The following ZNF211 variants were observed in gnomAD, a reference collection of about 807,000 sequenced individuals.
The protein encoded by ZNF211 is zinc finger protein C2H2-25.
ZNF211 carries 18 observed loss-of-function variants against 12.1 expected under a neutral mutation model. The ratio of observed to expected loss-of-function variants is 1.48; its 90% CI spans 1.03 to 2.20. The LOEUF is 2.20. Among genes scored for constraint, ZNF211 ranks in the 30% most tolerant of loss-of-function variants. The probability of loss-of-function intolerance (pLI) is 0.00; values close to 1 mark genes in which losing one functional copy is unlikely to be tolerated. For synonymous variants in ZNF211, 249 were observed against 246.0 expected (o/e 1.01, Z -0.11); for missense variants, 677 against 703.1 (o/e 0.96, Z 0.42).
intron 3 of ZNF211, among the ~76,000 whole-genome samples, chr19:57,638,333 G>T (rs1227336883): frequency 6.6e-6 from 1 of 151,552 alleles, no homozygotes; most frequent in Non-Finnish European, 1.5e-5. Flanking sequence ...GCCAGCTTTG[G>T]TTTTAGTTTG....
Position 57,641,939 on chromosome 19 carries a change from G to A in ZNF211, c.1492G>A (p.Glu498Lys). 3 of 1,614,116 alleles carry A rather than the reference G, an allele frequency of 1.9e-6. No individual in the cohort carries two copies. The highest frequency in any genetic ancestry group is 2.5e-6 in the Non-Finnish European group (3 of 1,180,038). ...HTGERPVECS[E>K]CSKSFSCKSN... ...TGGAGAAAGACCTGTTGAGTGCAGT[G>A]AATGTAGCAAATCCTTTAGCTGTAA... Residue 498 changes from glutamate to lysine, a missense_variant, in exon 4 of 4, where the codon GAA becomes AAA. Transcript: ENST00000240731.
rs540892313 is a variant in ZNF211, at chr19:57,641,138, T to G, written c.691T>G (p.Cys231Gly). ...TGEKPNNSNK[C>G]AVAFYSGKSH... The stretch of plus-strand genomic sequence containing the variant: ...GGAGAAGCCAAATAACAGTAACAAG[T>G]GTGCGGTGGCCTTTTACAGTGGAAA... The change falls in exon 4 of 4, where the codon TGT becomes GGT. Residue 231 changes from cysteine to glycine, a missense_variant. Physicochemically the swap from Cys to Gly is radical, Grantham distance 159. Transcript: ENST00000240731. 14 of 1,614,172 alleles carry G rather than the reference T, an allele frequency of 8.7e-6. No individual in the cohort carries two copies. In the East Asian group the frequency reaches 3.1e-4, roughly 36 times the overall value.
rs143187549 is a variant in ZNF211 at position 57,633,521 on chromosome 19, G to A, written c.90+85G>A. 2,401 of 1,504,764 alleles carry A rather than the reference G, an allele frequency of 1.6e-3. No individual in the cohort carries two copies. The highest frequency in any genetic ancestry group is 2.0e-3 in the Non-Finnish European group (2,255 of 1,131,062). 93.2% of individuals were successfully genotyped at this position (1,504,764 alleles called of 1,614,324 possible). A position where few individuals can be genotyped will look rare whatever the true frequency, so the allele number is the denominator to read the frequency against. ...CACCAGCTCACGTCTCTGTAGCACA[G>A]GGTCGGGGACACTGAGGCTCGTGGG... On this transcript the variant is annotated intron_variant, in intron 1 of 3. Coordinates refer to ENST00000240731, the MANE Select transcript of ZNF211 (RefSeq NM_006385.5).
chr19:57,641,160 GAA>G lies in ZNF211; in HGVS notation c.717_718del (p.His241SerfsTer8), dbSNP rs771160877. 7 of 1,614,148 alleles carry G rather than the reference GAA, an allele frequency of 4.3e-6. No homozygotes were observed. The South Asian group carries it at 7.7e-5, about 18-fold the overall frequency. On this transcript the variant is annotated frameshift_variant, in exon 4 of 4. Transcript: ENST00000240731. LOFTEE classifies it low-confidence loss of function (END_TRUNC). ...AAGTGTGCGGTGGCCTTTTACAGTG[GAA>G]AAAGTCATCACAACTGGGGAAAATG...
In ZNF211 at chr19:57,641,500, A is replaced by G. The variant is rs1982933670; in HGVS notation, c.1053A>G (p.Glu351=). 1.2e-5 allele frequency: 19 copies of G among 1,614,224 alleles called. No individual in the cohort carries two copies. Among genetic ancestry groups the G allele is most frequent in the Non-Finnish European group, 1.6e-5 (19 of 1,180,044 alleles). The change falls in exon 4 of 4, where the codon GAA becomes GAG. Residue 351 remains glutamate, a synonymous_variant. Transcript: ENST00000240731. The stretch of plus-strand genomic sequence containing the variant: ...GCCATAGGAAAGTTCACACTGGAGA[A>G]AGGCCTTATGAATGTGGGGAATGTG... ...LNSHRKVHTG[E]RPYECGECGK...
Position 57,633,263 on chromosome 19 carries a change from T to A in ZNF211, c.-84T>A. 1.5e-6 allele frequency: 2 copies of A among 1,305,716 alleles called. No individual in the cohort carries two copies. Among genetic ancestry groups the A allele is most frequent in the Non-Finnish European group, 2.0e-6 (2 of 977,102 alleles). The allele number at this position is 1,305,716 out of a possible 1,614,324, so 80.9% of individuals were successfully genotyped here. ...GCCGCTTTGGTACGCTGCATCGGGA[T>A]CGAAGTGACGGACCGTGAAGGCGCG... On this transcript the variant is annotated 5_prime_UTR_variant, in exon 1 of 4. Transcript: ENST00000240731.
chr19:57,635,713 A>G (rs1982042104), intron 3 of ZNF211, among the ~76,000 whole-genome samples: 1 of 152,154 alleles, frequency 6.6e-6, no homozygotes, highest in Non-Finnish European at 1.5e-5. Context: ...ACAGATACGT[A>G]TTTGTGTCCT....
At chr19:57,634,260 A>G (rs1981859181) in intron 2 of ZNF211, 199 bp downstream of exon 2, 3 of 553,208 alleles carry the variant, frequency 5.4e-6, no homozygotes, top group East Asian at 6.2e-5. Flanking sequence ...CAATGGAAAG[A>G]TGGGTGAAAA....
At chr19:57,633,757 C>T (rs1276254726) in intron 1 of ZNF211, 2 of 1,534,796 alleles carry the variant, frequency 1.3e-6, no homozygotes, top group Non-Finnish European at 1.7e-6. Flanking sequence ...GAGACACCAT[C>T]TGAGTTAAAT....
At position 57,641,733 on chromosome 19, in the gene ZNF211, G is replaced by A. The variant is rs756611343; in HGVS notation, c.1286G>A (p.Arg429Gln). The A allele has an allele frequency of 2.5e-5, 40 of 1,613,294 alleles. No individual in the cohort carries two copies. The highest frequency in any genetic ancestry group is 1.6e-4 in the Middle Eastern group (1 of 6,082). Residue 429 changes from arginine (R) to glutamine (Q), a missense_variant, in exon 4 of 4, where the codon CGG becomes CAG. Coordinates refer to ENST00000240731, the MANE Select transcript of ZNF211 (RefSeq NM_006385.5). ...FSRSSSLIHH[R>Q]RLHTGERPYE... ...CGAAGCTCCAGCCTCATTCACCACC[G>A]GAGACTTCACACTGGAGAAAGACCC...
In ZNF211 at chr19:57,641,365, C is replaced by A. The variant is rs754605019; in HGVS notation, c.918C>A (p.Phe306Leu). 1 of 1,614,100 alleles carries A rather than the reference C, an allele frequency of 6.2e-7. No individual in the cohort carries two copies. Among genetic ancestry groups the A allele is most frequent in the Non-Finnish European group, 8.5e-7 (1 of 1,180,014 alleles). ...RPYECNECGK[F>L]FTYYSSFIIH... ...ATGAATGCAATGAATGTGGAAAATT[C>A]TTTACCTACTACTCCAGTTTCATTA... is the stretch of plus-strand genomic sequence containing the variant. The change falls in exon 4 of 4, where the codon TTC (phenylalanine) becomes TTA (leucine). Residue 306 changes from phenylalanine (F) to leucine (L), a missense_variant. Coordinates refer to ENST00000240731, the MANE Select transcript of ZNF211 (RefSeq NM_006385.5).
chr19:57,642,121 C>G lies in ZNF211; in HGVS notation c.1674C>G (p.Ser558=). The stretch of plus-strand genomic sequence containing the variant: ...ATCAGTGCAGTCAATGTGGGAAATC[C>G]TTTGGCTGCAAATCTGTCCTCATTC... ...RPYQCSQCGK[S]FGCKSVLIQH... Residue 558 remains serine (S), a synonymous_variant, in exon 4 of 4, where the codon TCC becomes TCG. Transcript: ENST00000240731. The G allele has an allele frequency of 6.2e-7, 1 of 1,613,950 alleles. No homozygotes were observed. Among genetic ancestry groups the G allele is most frequent in the Non-Finnish European group, 8.5e-7 (1 of 1,179,848 alleles).
chr19:57,634,049 C>G lies in ZNF211; in HGVS notation c.117C>G (p.Phe39Leu), dbSNP rs940986385. Residue 39 changes from phenylalanine to leucine, a missense_variant, in exon 2 of 4, where the codon TTC becomes TTG. Physicochemically the swap from Phe to Leu is conservative, Grantham distance 22. Transcript: ENST00000240731. ...ASVPIATEVL[F>L]KLTQGSVTFE... is the part of the protein sequence containing the mutation. ...TTCCCATAGCTACAGAGGTGCTTTT[C>G]AAACTTACACAGGTAAGTGGAGGTA... 2.5e-5 allele frequency: 39 copies of G among 1,581,810 alleles called. No homozygotes were observed. Among genetic ancestry groups the G allele is most frequent in the Non-Finnish European group, 3.3e-5 (39 of 1,166,314 alleles).
intron 3 of ZNF211, among the ~76,000 whole-genome samples, chr19:57,638,888 A>G (rs1165701088): frequency 6.6e-6 from 1 of 152,158 alleles, no homozygotes; most frequent in African/African-American, 2.4e-5. Context: ...GTCTATTATT[A>G]GGTGCATAAG....
chr19:57,633,970 C>A, intron 1 of ZNF211, 53 bp from the exon 2 acceptor site: 2 of 1,598,116 alleles, frequency 1.3e-6, no homozygotes, highest in South Asian at 1.1e-5. Flanking sequence ...AAGGCCTGTG[C>A]CCATGGAGCA....
At position 57,643,969 on chromosome 19, in the gene ZNF211, G is replaced by A. The variant is rs1983248510; in HGVS notation, c.*1788G>A. Among the ~76,000 whole-genome samples, 1 of 151,988 alleles carries A rather than the reference G, an allele frequency of 6.6e-6. No individual in the cohort carries two copies. Among genetic ancestry groups the A allele is most frequent in the Admixed American group, 6.6e-5 (1 of 15,254 alleles). On this transcript the variant is annotated 3_prime_UTR_variant, in exon 4 of 4. Coordinates refer to ENST00000240731, the MANE Select transcript of ZNF211 (RefSeq NM_006385.5). ...TATATTTTTTATGGATATACTATTTGTTATCCATTTGTTTATAAGCATTTA... is the reference window on the plus strand; with the variant it reads ...TATATTTTTTATGGATATACTATTTATTATCCATTTGTTTATAAGCATTTA...
chr19:57,634,126 T>C (rs918063725), intron 2 of ZNF211, 65 bp downstream of exon 2: 2 of 1,483,374 alleles, frequency 1.3e-6, no homozygotes, highest in Non-Finnish European at 1.8e-6. Context: ...CAGACAGATA[T>C]TTTCTTTAGA....
Position 57,641,728 on chromosome 19 carries a change from C to T in ZNF211, c.1281C>T (p.His427=), listed in dbSNP as rs1404419805. 6.2e-7 allele frequency: 1 copy of T among 1,612,646 alleles called. No homozygotes were observed. The highest frequency in any genetic ancestry group is 1.3e-5 in the African/African-American group (1 of 74,496). ...TTAGCCGAAGCTCCAGCCTCATTCA[C>T]CACCGGAGACTTCACACTGGAGAAA... ...KSFSRSSSLI[H]HRRLHTGERP... The change falls in exon 4 of 4, where the codon CAC becomes CAT. Residue 427 remains histidine (H), a synonymous_variant. Coordinates refer to ENST00000240731, the MANE Select transcript of ZNF211 (RefSeq NM_006385.5).
At position 57,640,904 on chromosome 19, in the gene ZNF211, T is replaced by A. The variant is rs781434591; in HGVS notation, c.457T>A (p.Cys153Ser). ...GTNCGQKLHTCGKQFYISANL... is the reference protein window; with the variant it reads ...GTNCGQKLHTSGKQFYISANL... ...AAACTGCGGGCAGAAACTACACACATGTGGAAAACAATTCTACATCAGTGC... is the reference window on the plus strand; with the variant it reads ...AAACTGCGGGCAGAAACTACACACAAGTGGAAAACAATTCTACATCAGTGC... Residue 153 changes from cysteine to serine, a missense_variant, in exon 4 of 4, where the codon TGT becomes AGT. Physicochemically the swap from Cys to Ser is moderately radical, Grantham distance 112. Transcript: ENST00000240731. The A allele has an allele frequency of 6.2e-7, 1 of 1,614,210 alleles. No homozygotes were observed.
Sources: allele counts gnomAD v4.1 joint callset (sites outside exome capture counted in the v4.1 genomes callset), GRCh38; gene constraint gnomAD v4.1.1; transcripts MANE v1.5; gene names NCBI Gene and HGNC (gene_info 2026-07-23, HGNC 2026-07-21).